The following SUMF1 variants were observed in gnomAD, a reference collection of about 807,000 sequenced individuals.
The protein encoded by SUMF1 is formylglycine-generating enzyme.
A neutral mutation model predicts 47.6 loss-of-function variants in SUMF1; 48 were observed. The observed-to-expected ratio is 1.01, with a 90% CI of 0.80 to 1.28. The LOEUF is 1.28. SUMF1 is among the 50% of genes most tolerant of loss of function. The probability of loss-of-function intolerance (pLI) is 0.00; values close to 1 mark genes in which losing one functional copy is unlikely to be tolerated. For missense variants in SUMF1, 571 were observed against 485.4 expected (o/e 1.18, Z -1.66); for synonymous variants, 230 against 192.1 (o/e 1.20, Z -1.63).
rs2125028520 is a variant in SUMF1, at chr3:4,265,527, G to C, written c.1014+110803C>G. On this transcript the variant is annotated intron_variant and NMD_transcript_variant, in intron 8 of 12. Transcript: ENST00000448413. ...CTGCTAATTGTTCCAAGCTTACCTA[G>C]CTACCCCTCAAACTATACTATTTTA... is the stretch of plus-strand genomic sequence containing the variant. Among the ~76,000 whole-genome samples, 2 of 152,064 alleles carry C rather than the reference G, an allele frequency of 1.3e-5. 1 individual carries two copies. Among genetic ancestry groups the C allele is most frequent in the South Asian group, 4.2e-4 (2 of 4,812 alleles).
chr3:4,423,279 T>TACACACACACACACACACACACAC (rs56729932), intron 3 of SUMF1, among the ~76,000 whole-genome samples: 1 of 147,126 alleles, frequency 6.8e-6, no homozygotes, highest in South Asian at 2.2e-4. Context: ...GAAACTGTGA[T>TACACACACACACACACACACACAC]ACACACACAC....
intron 7 of SUMF1, among the ~76,000 whole-genome samples, chr3:4,384,814 T>A (rs1700619470): frequency 6.6e-6 from 1 of 152,198 alleles, no homozygotes; most frequent in Non-Finnish European, 1.5e-5. Flanking sequence ...TGAACATAAG[T>A]TTTCATCCCT....
At chr3:4,265,286 T>TA (rs1176537344) in intron 8 of SUMF1, among the ~76,000 whole-genome samples, 3 of 152,286 alleles carry the variant, frequency 2.0e-5, no homozygotes, top group Non-Finnish European at 4.4e-5. Context: ...TTGAGTATCT[T>TA]AAAGATAATG....
intron 8 of SUMF1, among the ~76,000 whole-genome samples, chr3:4,249,313 T>G (rs1008872437): frequency 5.9e-5 from 9 of 152,228 alleles, no homozygotes; most frequent in Non-Finnish European, 1.2e-4. Flanking sequence ...TCACAGATAT[T>G]TCATTGTTTA....
chr3:4,408,626 G>A (rs940975426), intron 7 of SUMF1, among the ~76,000 whole-genome samples: 10 of 152,030 alleles, frequency 6.6e-5, no homozygotes, highest in Admixed American at 2.6e-4. Flanking sequence ...CGAGGAGTTC[G>A]AGACCAGCCT....
At chr3:4,044,848 T>C (rs182934701) in intron 9 of SUMF1, among the ~76,000 whole-genome samples, 1 of 152,362 alleles carries the variant, frequency 6.6e-6, no homozygotes, top group African/African-American at 2.4e-5. Context: ...ATTTAGATCA[T>C]TCTTCTTAAG....
At chr3:4,407,181 C>T (rs1300014827) in intron 7 of SUMF1, among the ~76,000 whole-genome samples, 1 of 152,112 alleles carries the variant, frequency 6.6e-6, no homozygotes, top group East Asian at 1.9e-4. Context: ...GTGTACAAAG[C>T]ACACATGGCT....
intron 8 of SUMF1, among the ~76,000 whole-genome samples, chr3:4,367,404 T>C (rs1700012889): frequency 6.6e-6 from 1 of 152,188 alleles, no homozygotes; most frequent in Non-Finnish European, 1.5e-5. Context: ...GCTTAGGTTA[T>C]ACTGCCCAAG....
At chr3:4,332,092 A>C (rs1316863563) in intron 8 of SUMF1, among the ~76,000 whole-genome samples, 1 of 151,896 alleles carries the variant, frequency 6.6e-6, no homozygotes, top group Non-Finnish European at 1.5e-5. Context: ...TATTTTTGTG[A>C]TAACACATTT....
chr3:4,441,118 C>T (rs1220284707), intron 3 of SUMF1, among the ~76,000 whole-genome samples: 18 of 152,196 alleles, frequency 1.2e-4, no homozygotes. Flanking sequence ...AGCAAAGCTT[C>T]ATCTGTATTT....
chr3:4,106,035 C>G (rs1693149892), intron 8 of SUMF1, among the ~76,000 whole-genome samples: 1 of 151,700 alleles, frequency 6.6e-6, no homozygotes, highest in Non-Finnish European at 1.5e-5. Context: ...AATAATTGGT[C>G]AAAATTGCTT....
At chr3:4,147,129 C>A (rs1188175153) in intron 8 of SUMF1, among the ~76,000 whole-genome samples, 1 of 152,100 alleles carries the variant, frequency 6.6e-6, no homozygotes, top group Non-Finnish European at 1.5e-5. Flanking sequence ...CATCTCACAC[C>A]AGTTAGAATG....
intron 6 of SUMF1, among the ~76,000 whole-genome samples, chr3:4,416,323 C>G (rs924242137): frequency 6.6e-6 from 1 of 151,846 alleles, no homozygotes; most frequent in Admixed American, 6.6e-5. Context: ...ACAGAAATAA[C>G]CTGTTTCCAG....
intron 8 of SUMF1, among the ~76,000 whole-genome samples, chr3:4,075,793 A>T (rs889817788): frequency 6.6e-6 from 1 of 152,132 alleles, no homozygotes; most frequent in Admixed American, 6.5e-5. Flanking sequence ...AATGTGAAGG[A>T]CCCCTTCAAG....
intron 7 of SUMF1, 92 bp from the exon 8 acceptor site, chr3:4,376,481 C>G: frequency 1.5e-6 from 2 of 1,328,446 alleles, no homozygotes; most frequent in Non-Finnish European, 2.2e-6. Flanking sequence ...AACCAGCTCT[C>G]TCATGGTTGC....
chr3:4,214,041 A>C (rs1219653288), intron 8 of SUMF1, among the ~76,000 whole-genome samples: 1 of 152,186 alleles, frequency 6.6e-6, no homozygotes, highest in African/African-American at 2.4e-5. Context: ...ACTTGAACTC[A>C]GCTCTGGACC....
intron 8 of SUMF1, among the ~76,000 whole-genome samples, chr3:4,092,850 A>T (rs1283675709): frequency 2.0e-5 from 3 of 152,116 alleles, no homozygotes; most frequent in Admixed American, 2.0e-4. Flanking sequence ...GAGTGAATAT[A>T]TAAGAAGGTA....
intron 8 of SUMF1, among the ~76,000 whole-genome samples, chr3:4,295,323 A>T (rs1697828477): frequency 6.6e-6 from 1 of 152,022 alleles, no homozygotes; most frequent in Non-Finnish European, 1.5e-5. Context: ...GTATCCAGCG[A>T]AATTATCCTG....
intron 8 of SUMF1, among the ~76,000 whole-genome samples, chr3:4,144,314 A>T (rs2125099420): frequency 6.6e-6 from 1 of 152,174 alleles, no homozygotes; most frequent in African/African-American, 2.4e-5. Context: ...CAAAGAAAAG[A>T]ATAAGTATGT....
Sources: allele counts gnomAD v4.1 joint callset (sites outside exome capture counted in the v4.1 genomes callset), GRCh38; gene constraint gnomAD v4.1.1; transcripts MANE v1.5; gene names NCBI Gene and HGNC (gene_info 2026-07-23, HGNC 2026-07-21).